The following MCUB variants were observed in gnomAD, a reference collection of about 807,000 sequenced individuals.
MCUB encodes calcium uniporter regulatory subunit MCUb, mitochondrial.
A neutral mutation model predicts 41.4 loss-of-function variants in MCUB; 46 were observed. That is an observed-to-expected ratio of 1.11 (90% CI 0.88 to 1.42). The LOEUF is 1.42. MCUB is among the 40% of genes most tolerant of loss of function. MCUB has a pLI of 0.00. For synonymous variants in MCUB, 148 were observed against 148.2 expected (o/e 1.00, Z 0.01); for missense variants, 403 against 404.9 (o/e 1.00, Z 0.04).
intron 1 of MCUB, among the ~76,000 whole-genome samples, chr4:109,636,830 A>G (rs1484857381): frequency 6.6e-6 from 1 of 152,196 alleles, no homozygotes; most frequent in Non-Finnish European, 1.5e-5. Flanking sequence ...GTGAGACTCC[A>G]TCTCAAAAAA....
intron 1 of MCUB, among the ~76,000 whole-genome samples, chr4:109,634,474 ACT>A (rs922492952): frequency 7.1e-6 from 1 of 140,058 alleles, no homozygotes; most frequent in Non-Finnish European, 1.5e-5. Context: ...CAAGAGCGAA[ACT>A]CTGTCTCAGA....
chr4:109,626,427 ATC>A (rs1323314372), intron 1 of MCUB, among the ~76,000 whole-genome samples: 1 of 152,200 alleles, frequency 6.6e-6, no homozygotes, highest in Admixed American at 6.5e-5. Flanking sequence ...AGGTGCTATC[ATC>A]TCTGTCGCTA....
At chr4:109,566,836 G>C (rs1424344700) in intron 1 of MCUB, among the ~76,000 whole-genome samples, 1 of 152,164 alleles carries the variant, frequency 6.6e-6, no homozygotes, top group Admixed American at 6.5e-5. Flanking sequence ...AACCAAATTA[G>C]TTGCTCATTT....
chr4:109,670,136 C>T (rs1278236973), intron 4 of MCUB, among the ~76,000 whole-genome samples: 1 of 152,092 alleles, frequency 6.6e-6, no homozygotes, highest in Admixed American at 6.6e-5. Context: ...AGTAAATAAG[C>T]CTTTTATAAT....
chr4:109,607,656 T>C (rs1164932987), intron 1 of MCUB, among the ~76,000 whole-genome samples: 1 of 152,260 alleles, frequency 6.6e-6, no homozygotes, highest in Non-Finnish European at 1.5e-5. Flanking sequence ...TCACTGGATA[T>C]GCTATTCTAG....
At chr4:109,679,551 C>A (rs958838882) in intron 4 of MCUB, among the ~76,000 whole-genome samples, 31 of 151,970 alleles carry the variant, frequency 2.0e-4, no homozygotes, top group African/African-American at 7.3e-4. Flanking sequence ...CAGGCCGAGG[C>A]AGGGAGGTTG....
intron 1 of MCUB, among the ~76,000 whole-genome samples, chr4:109,603,745 G>A (rs1056684299): frequency 1.3e-5 from 2 of 151,254 alleles, no homozygotes; most frequent in East Asian, 3.9e-4. Flanking sequence ...CCCTCCGCCC[G>A]GCAGCTGCCC....
At chr4:109,637,172 TACTC>T (rs769043059) in intron 1 of MCUB, among the ~76,000 whole-genome samples, 1 of 152,206 alleles carries the variant, frequency 6.6e-6, no homozygotes, top group Non-Finnish European at 1.5e-5. Context: ...TTGAGAAAGA[TACTC>T]AGTAAAGTAA....
chr4:109,598,209 A>C (rs1279711271), intron 1 of MCUB, among the ~76,000 whole-genome samples: 2 of 149,986 alleles, frequency 1.3e-5, no homozygotes, highest in Non-Finnish European at 3.0e-5. Context: ...CGGGCAGAGG[A>C]TGCAATCTCG....
At chr4:109,598,899 T>C (rs1441438292) in intron 1 of MCUB, among the ~76,000 whole-genome samples, 1 of 152,242 alleles carries the variant, frequency 6.6e-6, no homozygotes, top group African/African-American at 2.4e-5. Flanking sequence ...ATTCAGCTGT[T>C]CTGAATACAG....
At chr4:109,613,038 A>G (rs935211294) in intron 1 of MCUB, among the ~76,000 whole-genome samples, 11 of 151,702 alleles carry the variant, frequency 7.3e-5, no homozygotes, top group South Asian at 2.1e-4. Flanking sequence ...CCCGGGAGGC[A>G]GAGCTTGCAG....
intron 4 of MCUB, among the ~76,000 whole-genome samples, chr4:109,668,162 G>A (rs887096207): frequency 3.3e-5 from 5 of 152,080 alleles, no homozygotes; most frequent in African/African-American, 1.2e-4. Flanking sequence ...GATTGGTGGT[G>A]CTATTGAGTT....
chr4:109,636,555 C>T (rs1212033051), intron 1 of MCUB, among the ~76,000 whole-genome samples: 1 of 152,176 alleles, frequency 6.6e-6, no homozygotes, highest in East Asian at 1.9e-4. Flanking sequence ...GAATGTTTGG[C>T]CGGGCACAGT....
chr4:109,579,655 A>C (rs559880288), intron 1 of MCUB, among the ~76,000 whole-genome samples: 7 of 152,224 alleles, frequency 4.6e-5, no homozygotes, highest in East Asian at 3.9e-4. Flanking sequence ...AATGACCATG[A>C]ATGTATCGAG....
intron 1 of MCUB, among the ~76,000 whole-genome samples, chr4:109,653,431 C>CATTT (rs912954376): frequency 4.2e-4 from 63 of 151,786 alleles, no homozygotes; most frequent in Non-Finnish European, 8.1e-4. Flanking sequence ...ATAGTTTTAC[C>CATTT]ATTTACATTC....
chr4:109,679,429 T>G (rs958890854), intron 4 of MCUB, among the ~76,000 whole-genome samples: 8 of 152,142 alleles, frequency 5.3e-5, no homozygotes, highest in African/African-American at 1.7e-4. Flanking sequence ...GCAGATCACC[T>G]GAGGCCAGGA....
intron 2 of MCUB, 146 bp from the exon 3 acceptor site, chr4:109,660,049 G>A (rs1729194098): frequency 3.4e-6 from 2 of 583,018 alleles, no homozygotes; most frequent in Admixed American, 3.1e-5. Context: ...GTAGTATAAT[G>A]AAGGCATTAT....
At position 109,619,950 on chromosome 4, in the gene MCUB, C is replaced by T. The variant is rs181787480; in HGVS notation, c.100-39061C>T. 9.4e-4 allele frequency among the ~76,000 whole-genome samples: 143 copies of T among 152,246 alleles called. 1 individual carries two copies. Among genetic ancestry groups the T allele is most frequent in the African/African-American group, 3.1e-3 (129 of 41,542 alleles). On this transcript the variant is annotated intron_variant, in intron 1 of 7. Coordinates refer to ENST00000394650, the MANE Select transcript of MCUB (RefSeq NM_017918.5). Reference sequence around the variant, plus strand: ...AGGTTTAGAGAAGTTAAGGTACCTACGTCACATAGCTATTGAGTGACAGTG... The same window carrying T: ...AGGTTTAGAGAAGTTAAGGTACCTATGTCACATAGCTATTGAGTGACAGTG...
intron 1 of MCUB, among the ~76,000 whole-genome samples, chr4:109,635,587 A>T (rs188149591): frequency 6.6e-6 from 1 of 152,228 alleles, no homozygotes; most frequent in Non-Finnish European, 1.5e-5. Flanking sequence ...CAAATCAGAC[A>T]CCGCCTCCTT....
Sources: gnomAD v4.1 joint callset for allele counts (sites outside exome capture counted in the v4.1 genomes callset) on GRCh38, gnomAD v4.1.1 for gene constraint, MANE v1.5 for transcripts, NCBI Gene and HGNC (gene_info 2026-07-23, HGNC 2026-07-21) for gene names.